ZWINT: variants seen among roughly 807,000 people sequenced by gnomAD.
ZWINT encodes the protein ZW10 interacting kinetochore protein, also known as outer kinetochore KNL1 complex subunit ZWINT.
ZWINT carries 41 observed loss-of-function variants against 41.5 expected under a neutral mutation model. That is an observed-to-expected ratio of 0.99 (90% CI 0.77 to 1.28). The LOEUF (loss-of-function observed/expected upper bound fraction) is 1.28. Among genes scored for constraint, ZWINT ranks in the 50% most tolerant of loss-of-function variants. ZWINT has a pLI of 0.00. For synonymous variants in ZWINT, 132 were observed against 126.8 expected (o/e 1.04, Z -0.28); for missense variants, 369 against 329.7 (o/e 1.12, Z -0.92).
intron 3 of ZWINT, 23 bp downstream of exon 3, chr10:56,359,995 A>G: frequency 6.2e-7 from 1 of 1,612,962 alleles, no homozygotes; most frequent in Non-Finnish European, 8.5e-7. Flanking sequence ...GTCAGCTGCT[A>G]CTACAATCCC....
At chr10:56,359,553 A>C in intron 4 of ZWINT, 21 bp from the exon 5 acceptor site, 1 of 1,559,054 alleles carries the variant, frequency 6.4e-7, no homozygotes, top group African/African-American at 1.4e-5. Context: ...GCAAGGGAGA[A>C]AGACCAAGAG....
In ZWINT at chr10:56,359,709, G is replaced by A. The variant is rs762632784; in HGVS notation, c.401C>T (p.Ala134Val). The change falls in exon 4 of 9, where the codon GCC becomes GTC. Residue 134 changes from alanine (A) to valine (V), a missense_variant. Transcript: ENST00000373944. The stretch of plus-strand genomic sequence containing the variant: ...TACCTTGGCCTGGAGCTGCTCAAAG[G>A]CTTCCCGGAGTTGTGTCCGTTTCCT... ...AQRKRTQLRE[A>V]FEQLQAKKQM... 2.5e-5 allele frequency: 41 copies of A among 1,613,998 alleles called. No individual in the cohort carries two copies. Among genetic ancestry groups the A allele is most frequent in the Non-Finnish European group, 3.4e-5 (40 of 1,180,030 alleles).
In ZWINT at chr10:56,358,172, G is replaced by C. The variant is rs746289407; in HGVS notation, c.*55C>G. 4 of 743,076 alleles carry C rather than the reference G, an allele frequency of 5.4e-6. No homozygotes were observed. Among genetic ancestry groups the C allele is most frequent in the Admixed American group, 5.2e-5 (3 of 57,814 alleles). 46.0% of individuals were successfully genotyped at this position (743,076 alleles called of 1,614,324 possible). ...TCCTGTAATGATGGTTGGGAGGTGA[G>C]GGAAGTCAGAGGCCTGGGGAAGAAG... On this transcript the variant is annotated 3_prime_UTR_variant, in exon 9 of 9. Coordinates refer to ENST00000373944, the MANE Select transcript of ZWINT (RefSeq NM_007057.4).
In ZWINT at chr10:56,358,019, T is replaced by C. The variant is rs1475192366; in HGVS notation, c.*208A>G. 1.9e-6 allele frequency: 1 copy of C among 534,752 alleles called. No individual in the cohort carries two copies. Among genetic ancestry groups the C allele is most frequent in the East Asian group, 5.3e-5 (1 of 18,834 alleles). 33.1% of individuals were successfully genotyped at this position (534,752 alleles called of 1,614,324 possible). A position where few individuals can be genotyped will look rare whatever the true frequency, so the allele number is the denominator to read the frequency against. Reference sequence around the variant, plus strand: ...GCTTCTGAGTATCTGTATTAATAGTTGTTCCTGCCAGCATATGAAGATGAA... The same window carrying C: ...GCTTCTGAGTATCTGTATTAATAGTCGTTCCTGCCAGCATATGAAGATGAA... On this transcript the variant is annotated 3_prime_UTR_variant, in exon 9 of 9. Transcript: ENST00000373944.
rs370444458 is a variant in ZWINT at position 56,360,084 on chromosome 10, G to C, written c.190C>G (p.Gln64Glu). The C allele has an allele frequency of 1.9e-6, 3 of 1,614,136 alleles. No homozygotes were observed. The highest frequency in any genetic ancestry group is 2.5e-6 in the Non-Finnish European group (3 of 1,180,030). Residue 64 changes from glutamine (Q) to glutamate (E), a missense_variant, in exon 3 of 9, where the codon CAG (glutamine) becomes GAG (glutamate). Coordinates refer to ENST00000373944, the MANE Select transcript of ZWINT (RefSeq NM_007057.4). ...GTGTCCTCCTGAGCCAGGATGTTCT[G>C]CAGGAAATCCGCTACCTGAAGCTGG... ...CSQLQVADFL[Q>E]NILAQEDTAK...
In ZWINT at chr10:56,358,037, A is replaced by G. The variant is rs1236979019; in HGVS notation, c.*190T>C. 1 of 553,262 alleles carries G rather than the reference A, an allele frequency of 1.8e-6. No individual in the cohort carries two copies. The highest frequency in any genetic ancestry group is 1.9e-5 in the African/African-American group (1 of 52,964). 34.3% of individuals were successfully genotyped at this position (553,262 alleles called of 1,614,324 possible). A position where few individuals can be genotyped will look rare whatever the true frequency, so the allele number is the denominator to read the frequency against. ...TAATAGTTGTTCCTGCCAGCATATG[A>G]AGATGAACAAATACACAACTGAGAG... On this transcript the variant is annotated 3_prime_UTR_variant, in exon 9 of 9. Coordinates refer to ENST00000373944, the MANE Select transcript of ZWINT (RefSeq NM_007057.4).
intron 5 of ZWINT, 126 bp downstream of exon 5, chr10:56,359,350 G>A (rs999602103): frequency 5.9e-6 from 5 of 849,692 alleles, no homozygotes; most frequent in South Asian, 2.4e-5. Context: ...TGAGATTCAA[G>A]CCCATGTTGG....
In ZWINT at chr10:56,358,611, G is replaced by A; in HGVS notation, c.737C>T (p.Pro246Leu). The A allele has an allele frequency of 6.2e-7, 1 of 1,614,084 alleles. No individual in the cohort carries two copies. Among genetic ancestry groups the A allele is most frequent in the Non-Finnish European group, 8.5e-7 (1 of 1,180,020 alleles). The change falls in exon 7 of 9, where the codon CCC (proline) becomes CTC (leucine). Residue 246 changes from proline (P) to leucine (L), a missense_variant. Coordinates refer to ENST00000373944, the MANE Select transcript of ZWINT (RefSeq NM_007057.4). ...PDDKPQQPTRPQEQSTGDTMG... is the reference protein window; with the variant it reads ...PDDKPQQPTRLQEQSTGDTMG... The stretch of plus-strand genomic sequence containing the variant: ...GGTGTCTCCTGTACTCTGCTCCTGG[G>A]GTCGAGTCGGCTGCTGGGGTTTATC...
At position 56,359,463 on chromosome 10, in the gene ZWINT, G is replaced by A. The variant is rs773392178; in HGVS notation, c.480+13C>T. 1 of 1,526,312 alleles carries A rather than the reference G, an allele frequency of 6.6e-7. No individual in the cohort carries two copies. The highest frequency in any genetic ancestry group is 1.3e-5 in the South Asian group (1 of 75,190). The allele number at this position is 1,526,312 out of a possible 1,614,324, so 94.5% of individuals were successfully genotyped here. On this transcript the variant is annotated intron_variant, in intron 5 of 8. Transcript: ENST00000373944. ...TGGTGGGAAGGGATATTCTCCTAGG[G>A]GGACGAACCTACCTGTTGTAGCTGC...
rs1564450407 is a variant in ZWINT at position 56,357,559 on chromosome 10, A to C, written c.*668T>G. On this transcript the variant is annotated 3_prime_UTR_variant, in exon 9 of 9. Transcript: ENST00000373944. The stretch of plus-strand genomic sequence containing the variant: ...CATCTTCTCCAATCCGAAAACAGAA[A>C]GTGGGAAAGATCAAGGTATCACTAG... 6.5e-6 allele frequency: 1 copy of C among 153,034 alleles called. No homozygotes were observed. The highest frequency in any genetic ancestry group is 6.5e-5 in the Admixed American group (1 of 15,424). 9.5% of individuals were successfully genotyped at this position (153,034 alleles called of 1,614,324 possible).
In ZWINT at chr10:56,360,512, G is replaced by A; in HGVS notation, c.42-129C>T. 6 of 786,418 alleles carry A rather than the reference G, an allele frequency of 7.6e-6. No homozygotes were observed. The South Asian group carries it at 8.9e-5, about 12-fold the overall frequency. 48.7% of individuals were successfully genotyped at this position (786,418 alleles called of 1,614,324 possible). Reference sequence around the variant, plus strand: ...AGTATTGAGAGTCTTGCCTTGACCAGAGTTTACACAAGGGCCTGAAGGGTC... The same window carrying A: ...AGTATTGAGAGTCTTGCCTTGACCAAAGTTTACACAAGGGCCTGAAGGGTC... On this transcript the variant is annotated intron_variant, in intron 1 of 8. Coordinates refer to ENST00000373944, the MANE Select transcript of ZWINT (RefSeq NM_007057.4).
At chr10:56,359,662 C>T (rs375548084) in intron 4 of ZWINT, 25 bp downstream of exon 4, 1 of 1,613,844 alleles carries the variant, frequency 6.2e-7, no homozygotes, top group African/African-American at 1.3e-5. Flanking sequence ...CCTTCCCTCC[C>T]TGTACTCAAG....
intron 1 of ZWINT, among the ~76,000 whole-genome samples, chr10:56,360,934 G>A (rs1308012700): frequency 6.6e-6 from 1 of 152,136 alleles, no homozygotes; most frequent in Non-Finnish European, 1.5e-5. Context: ...GGGACAAGAA[G>A]ACAGAAGTGA....
intron 7 of ZWINT, 46 bp downstream of exon 7, chr10:56,358,510 G>A (rs1838228550): frequency 1.2e-6 from 2 of 1,613,792 alleles, no homozygotes; most frequent in Middle Eastern, 1.6e-4. Context: ...CCCAGCTTCT[G>A]TCTCCACCTG....
At position 56,359,834 on chromosome 10, in the gene ZWINT, A is replaced by G. The variant is rs751289463; in HGVS notation, c.276T>C (p.Ala92=). Residue 92 remains alanine (A), a synonymous_variant, in exon 4 of 9, where the codon GCT becomes GCC. Transcript: ENST00000373944. ...EDTSRQKAIA[A]KEQWKELKAT... ...CCTTCAGCTCTTTCCATTGTTCCTT[A>G]GCTGCAATTGCCTTCTGTCCTGAGA... 1 of 1,613,924 alleles carries G rather than the reference A, an allele frequency of 6.2e-7. No individual in the cohort carries two copies. The highest frequency in any genetic ancestry group is 1.1e-5 in the South Asian group (1 of 91,050).
Position 56,358,743 on chromosome 10 carries a change from T to A in ZWINT, c.624-19A>T. Reference sequence around the variant, plus strand: ...CTGATACCTACAAAGAGGAGGTAAGTGTGAAGGAAAGGAATCTCAGCTGGA... The same window carrying A: ...CTGATACCTACAAAGAGGAGGTAAGAGTGAAGGAAAGGAATCTCAGCTGGA... On this transcript the variant is annotated intron_variant, in intron 6 of 8. Coordinates refer to ENST00000373944, the MANE Select transcript of ZWINT (RefSeq NM_007057.4). The A allele has an allele frequency of 6.2e-7, 1 of 1,613,922 alleles. No individual in the cohort carries two copies. Among genetic ancestry groups the A allele is most frequent in the Non-Finnish European group, 8.5e-7 (1 of 1,179,948 alleles).
Position 56,359,694 on chromosome 10 carries a change from T to G in ZWINT, c.416A>C (p.Gln139Pro), listed in dbSNP as rs764216227. Residue 139 changes from glutamine (Q) to proline (P), a missense_variant, in exon 4 of 9, where the codon CAG becomes CCG. Gln to Pro is a moderately conservative substitution (Grantham distance 76). Coordinates refer to ENST00000373944, the MANE Select transcript of ZWINT (RefSeq NM_007057.4). ...TQLREAFEQL[Q>P]AKKQMAMEKR... ...CAAGACCCCTGGGTGTACCTTGGCCTGGAGCTGCTCAAAGGCTTCCCGGAG... is the reference window on the plus strand; with the variant it reads ...CAAGACCCCTGGGTGTACCTTGGCCGGGAGCTGCTCAAAGGCTTCCCGGAG... 9.9e-6 allele frequency: 16 copies of G among 1,614,058 alleles called. No homozygotes were observed. Among genetic ancestry groups the G allele is most frequent in the Non-Finnish European group, 1.4e-5 (16 of 1,180,038 alleles).
In ZWINT at chr10:56,359,863, G is replaced by A. The variant is rs1279426396; in HGVS notation, c.257-10C>T. The A allele has an allele frequency of 6.2e-7, 1 of 1,613,912 alleles. No homozygotes were observed. Among genetic ancestry groups the A allele is most frequent in the Admixed American group, 1.7e-5 (1 of 60,008 alleles). On this transcript the variant is annotated splice_polypyrimidine_tract_variant and intron_variant, in intron 3 of 8. Transcript: ENST00000373944. ...GCAATTGCCTTCTGTCCTGAGATGA[G>A]CCACCAGGAATGAGTACATGAGTGA...
intron 5 of ZWINT, 112 bp from the exon 6 acceptor site, chr10:56,359,059 A>AG: frequency 7.5e-7 from 1 of 1,333,562 alleles, no homozygotes; most frequent in Non-Finnish European, 1.0e-6. Context: ...TGATGAAAAG[A>AG]GGGACTCTAT....
Sources: gnomAD v4.1 joint callset for allele counts (sites outside exome capture counted in the v4.1 genomes callset) on GRCh38, gnomAD v4.1.1 for gene constraint, MANE v1.5 for transcripts, NCBI Gene and HGNC (gene_info 2026-07-23, HGNC 2026-07-21) for gene names.